Variants in WBP2 observed in about 807,000 individuals in gnomAD.
The protein encoded by WBP2 is WW domain-binding protein 2.
In WBP2, 23 loss-of-function variants were observed where a neutral mutation model predicts 33.0. That is an observed-to-expected ratio of 0.70 (90% CI 0.50 to 0.99). The LOEUF (loss-of-function observed/expected upper bound fraction) is 0.99. WBP2 is among the 50% of genes least tolerant of loss of function. WBP2 has a pLI of 0.00. For synonymous variants in WBP2, 153 were observed against 133.5 expected (o/e 1.15, Z -1.01); for missense variants, 353 against 358.0 (o/e 0.99, Z 0.11).
chr17:75,854,017 C>T (rs184360106), intron 1 of WBP2, among the ~76,000 whole-genome samples: 158 of 139,114 alleles, frequency 1.1e-3, no homozygotes, highest in African/African-American at 4.1e-3. Flanking sequence ...TGCACTCCAG[C>T]CTGGGCGACA....
chr17:75,848,223 GA>G lies in WBP2; in HGVS notation c.398-294del, dbSNP rs540533733. 30 of 586,928 alleles carry G rather than the reference GA, an allele frequency of 5.1e-5. No individual in the cohort carries two copies. The South Asian group carries it at 5.6e-4, about 11-fold the overall frequency. The allele number at this position is 586,928 out of a possible 1,614,324, so 36.4% of individuals were successfully genotyped here. On this transcript the variant is annotated intron_variant, in intron 4 of 7. Transcript: ENST00000254806. Reference sequence around the variant, plus strand: ...CTGGGGTAGGAGTGAGCTGGCGGAGGATGTCTGCTGGCCCATCCCTCGGTCA... The same window carrying G: ...CTGGGGTAGGAGTGAGCTGGCGGAGGTGTCTGCTGGCCCATCCCTCGGTCA...
In WBP2 at chr17:75,854,884, T is replaced by C. The variant is rs187139185; in HGVS notation, c.59+355A>G. On this transcript the variant is annotated intron_variant, in intron 1 of 7. Transcript: ENST00000254806. ...TAGAAAAGGCGCAGAGCCTGACACGTAGTAACGTTGTAGACATCCAATAAG... is the reference window on the plus strand; with the variant it reads ...TAGAAAAGGCGCAGAGCCTGACACGCAGTAACGTTGTAGACATCCAATAAG... 3.7e-3 allele frequency among the ~76,000 whole-genome samples: 567 copies of C among 152,308 alleles called. 3 individuals carry two copies. Among genetic ancestry groups the C allele is most frequent in the Middle Eastern group, 0.01 (3 of 294 alleles).
At position 75,846,702 on chromosome 17, in the gene WBP2, G is replaced by A. The variant is rs1645035738; in HGVS notation, c.*32C>T. 1 of 1,508,338 alleles carries A rather than the reference G, an allele frequency of 6.6e-7. No homozygotes were observed. Among genetic ancestry groups the A allele is most frequent in the African/African-American group, 1.4e-5 (1 of 71,946 alleles). 93.4% of individuals were successfully genotyped at this position (1,508,338 alleles called of 1,614,324 possible). A position where few individuals can be genotyped will look rare whatever the true frequency, so the allele number is the denominator to read the frequency against. On this transcript the variant is annotated 3_prime_UTR_variant, in exon 8 of 8. Transcript: ENST00000254806. This position sits in a 1 kb window ranked among gnomAD's most constrained non-coding sequence, Gnocchi z 4.8. ...CCCGATGGGAGGGGTAGGGTAGAGA[G>A]ATGAGGGTGGGAGGCAGGGAGGCAG...
chr17:75,852,833 C>T, intron 1 of WBP2: 1 of 979,816 alleles, frequency 1.0e-6, no homozygotes, highest in South Asian at 4.7e-5. Context: ...AAAATATAAA[C>T]ATGTCTAAGA....
rs1599427569 is a variant in WBP2, at chr17:75,855,320, A to C, written c.-23T>G. The C allele has an allele frequency of 1.2e-6, 2 of 1,610,850 alleles. No individual in the cohort carries two copies. Among genetic ancestry groups the C allele is most frequent in the African/African-American group, 1.3e-5 (1 of 74,842 alleles). ...CATAGTCTCTCCAACAGGGGTCCCG[A>C]GACTCAAAACGCAATGAGCTTGCGC... On this transcript the variant is annotated 5_prime_UTR_variant, in exon 1 of 8. Coordinates refer to ENST00000254806, the MANE Select transcript of WBP2 (RefSeq NM_012478.4).
At chr17:75,853,913 C>T (rs985072181) in intron 1 of WBP2, among the ~76,000 whole-genome samples, 3 of 151,508 alleles carry the variant, frequency 2.0e-5, no homozygotes, top group Non-Finnish European at 3.0e-5. Context: ...GGTGTAGTGG[C>T]GGGTGCCTGT....
chr17:75,848,702 G>A, intron 3 of WBP2, 40 bp from the exon 4 acceptor site: 1 of 1,552,390 alleles, frequency 6.4e-7, no homozygotes, highest in Non-Finnish European at 8.8e-7. Context: ...CACAGGAAAA[G>A]AAAACTTATG....
At chr17:75,854,364 G>A (rs976215533) in intron 1 of WBP2, among the ~76,000 whole-genome samples, 2 of 152,172 alleles carry the variant, frequency 1.3e-5, no homozygotes, top group South Asian at 4.1e-4. Context: ...TGGCTGGTCT[G>A]ATTTTCAATA....
In WBP2 at chr17:75,849,552, C is replaced by T. The variant is rs1599422505; in HGVS notation, c.304+52G>A. 7 of 1,608,466 alleles carry T rather than the reference C, an allele frequency of 4.4e-6. No homozygotes were observed. In the East Asian group the frequency reaches 1.6e-4, roughly 36 times the overall value. ...CCCCACGGCGGCAGTCAGAGGTTCC[C>T]AGGACACCTCCCTGCAGGCCCCATG... On this transcript the variant is annotated intron_variant, in intron 3 of 7. Coordinates refer to ENST00000254806, the MANE Select transcript of WBP2 (RefSeq NM_012478.4).
At position 75,855,304 on chromosome 17, in the gene WBP2, TC is replaced by T. The variant is rs777644364; in HGVS notation, c.-8del. The T allele has an allele frequency of 1.2e-6, 2 of 1,611,668 alleles. No individual in the cohort carries two copies. The highest frequency in any genetic ancestry group is 8.5e-7 in the Non-Finnish European group (1 of 1,179,878). ...GATTCTTGTTGAGCGCCATAGTCTC[TC>T]CAACAGGGGTCCCGAGACTCAAAAC... On this transcript the variant is annotated 5_prime_UTR_variant, in exon 1 of 8. Transcript: ENST00000254806.
chr17:75,851,967 C>T (rs927291968), intron 1 of WBP2: 3 of 232,640 alleles, frequency 1.3e-5, no homozygotes, highest in South Asian at 5.2e-5. Flanking sequence ...AGCCAGGCAC[C>T]GTGGCGGGCA....
At chr17:75,855,206 T>C (rs767379956) in intron 1 of WBP2, 33 bp downstream of exon 1, 1 of 1,590,262 alleles carries the variant, frequency 6.3e-7, no homozygotes, top group South Asian at 1.1e-5. Flanking sequence ...ACCCGAACTT[T>C]GGTCCTCCAG....
Position 75,846,977 on chromosome 17 carries a change from G to C in WBP2, c.663C>G (p.Ala221=), listed in dbSNP as rs2064996847. Residue 221 remains alanine, a synonymous_variant, in exon 7 of 8, where the codon GCC becomes GCG. Coordinates refer to ENST00000254806, the MANE Select transcript of WBP2 (RefSeq NM_012478.4). This position sits in a 1 kb window ranked among gnomAD's most constrained non-coding sequence, Gnocchi z 4.8. ...CGCTGGCGGCTGCTTCTGCGGCCTTGGCTTCGGCTGTGAGAGCAAACACAC... is the reference window on the plus strand; with the variant it reads ...CGCTGGCGGCTGCTTCTGCGGCCTTCGCTTCGGCTGTGAGAGCAAACACAC... The part of the protein sequence containing the change: ...PDVPSTPAAE[A]KAAEAAASAY... The C allele has an allele frequency of 6.2e-7, 1 of 1,614,084 alleles. No individual in the cohort carries two copies. The highest frequency in any genetic ancestry group is 1.3e-5 in the African/African-American group (1 of 75,048).
Sources: allele counts gnomAD v4.1 joint callset (sites outside exome capture counted in the v4.1 genomes callset), GRCh38; gene constraint gnomAD v4.1.1; non-coding constraint Gnocchi (gnomAD v3.1); transcripts MANE v1.5; gene names NCBI Gene and HGNC (gene_info 2026-07-23, HGNC 2026-07-21).